SND1: variants seen among roughly 807,000 people sequenced by gnomAD.
The protein encoded by SND1 is staphylococcal nuclease domain-containing protein 1.
A neutral mutation model predicts 121.7 loss-of-function variants in SND1; 38 were observed. The ratio of observed to expected loss-of-function variants is 0.31; its 90% CI spans 0.24 to 0.41. The LOEUF is 0.41. Among genes scored for constraint, SND1 ranks in the 10% least tolerant of loss-of-function variants. The pLI is 1.00. For synonymous variants in SND1, 401 were observed against 447.4 expected (o/e 0.90, Z 1.31); for missense variants, 868 against 1,184.6 (o/e 0.73, Z 3.92).
chr7:127,659,360 A>T (rs1237858573), intron 1 of SND1, among the ~76,000 whole-genome samples: 1 of 152,224 alleles, frequency 6.6e-6, no homozygotes, highest in Non-Finnish European at 1.5e-5. Flanking sequence ...TTCAGTTGGC[A>T]TTTTTTAAAA....
chr7:128,081,889 G>T (rs1376890436), intron 18 of SND1: 1 of 538,392 alleles, frequency 1.9e-6, no homozygotes, highest in East Asian at 5.4e-5. Flanking sequence ...CACCAGCCAG[G>T]CATTGCTCAG....
intron 16 of SND1, among the ~76,000 whole-genome samples, chr7:128,073,459 C>T (rs1280629665): frequency 6.6e-6 from 1 of 152,154 alleles, no homozygotes; most frequent in Admixed American, 6.5e-5. Context: ...CTCCCCGCTA[C>T]CTTCTCTCTG....
intron 13 of SND1, among the ~76,000 whole-genome samples, chr7:127,895,607 G>T (rs997038180): frequency 1.7e-4 from 26 of 152,218 alleles, no homozygotes; most frequent in African/African-American, 6.3e-4. Context: ...GAGTAGGGAA[G>T]ATAAGTTTTT....
At chr7:127,675,217 C>T (rs1234766538) in intron 1 of SND1, among the ~76,000 whole-genome samples, 1 of 151,954 alleles carries the variant, frequency 6.6e-6, no homozygotes. Context: ...ACAAAAAAAC[C>T]CTTCATTTTT....
chr7:127,762,368 T>C (rs1009753833), intron 10 of SND1, among the ~76,000 whole-genome samples: 3 of 152,308 alleles, frequency 2.0e-5, no homozygotes, highest in Non-Finnish European at 2.9e-5. Context: ...ACCTCTCTTA[T>C]TGGTTTGCAG....
intron 12 of SND1, among the ~76,000 whole-genome samples, chr7:127,871,022 G>GTC (rs1799575320): frequency 6.6e-6 from 1 of 151,824 alleles, no homozygotes; most frequent in African/African-American, 2.4e-5. Flanking sequence ...AAACTCGTTT[G>GTC]TTGAAAAGTA....
rs558513247 is a variant in SND1 at position 127,978,486 on chromosome 7, T to C, written c.1670-12461T>C. On this transcript the variant is annotated intron_variant, in intron 15 of 23. Transcript: ENST00000354725. The stretch of plus-strand genomic sequence containing the variant: ...GAGCTTATGGAAAGTATGCTTTGAA[T>C]GGGGAAATATGCATCTGTGGGAGGA... Among the ~76,000 whole-genome samples the C allele has an allele frequency of 1.2e-3, 190 of 152,132 alleles. 5 individuals carry two copies. The South Asian group carries it at 0.038, about 30-fold the overall frequency.
chr7:127,858,290 G>A, intron 12 of SND1: 2 of 897,324 alleles, frequency 2.2e-6, no homozygotes, highest in African/African-American at 1.6e-5. Flanking sequence ...GCACTGCGGG[G>A]AACTGGGTCA....
Position 127,887,910 on chromosome 7 carries a change from C to T in SND1, c.1352C>T (p.Ala451Val). The T allele has an allele frequency of 6.2e-7, 1 of 1,610,988 alleles. No individual in the cohort carries two copies. Among genetic ancestry groups the T allele is most frequent in the Non-Finnish European group, 8.5e-7 (1 of 1,177,970 alleles). Residue 451 changes from alanine to valine, a missense_variant, in exon 13 of 24, where the codon GCT becomes GTT. Ala to Val is a moderately conservative substitution (Grantham distance 64, BLOSUM62 0). This residue lies in a region of SND1 where 743 missense variants were observed against 1,071.3 expected (regional missense o/e 0.69). Transcript: ENST00000354725. Reference sequence around the variant, plus strand: ...TATCTTTTCTGTTGCAGAAACATTGCTGAGGCTCTTGTCAGCAAAGGTCTA... The same window carrying T: ...TATCTTTTCTGTTGCAGAAACATTGTTGAGGCTCTTGTCAGCAAAGGTCTA... ...ATVTIGGINI[A>V]EALVSKGLAT...
rs557457674 is a variant in SND1, at chr7:128,012,997, A to G, written c.1779+21941A>G. Among the ~76,000 whole-genome samples the G allele has an allele frequency of 2.4e-4, 37 of 152,102 alleles. No homozygotes were observed. In the South Asian group the frequency reaches 7.5e-3, roughly 31 times the overall value. On this transcript the variant is annotated intron_variant, in intron 16 of 23. Transcript: ENST00000354725. The stretch of plus-strand genomic sequence containing the variant: ...ACAGCCCTTTCCGCCAGTGCCTGCC[A>G]GTGCACAAGTCACCCCCTGCACCTC...
At chr7:127,904,703 T>C (rs1485486999) in intron 13 of SND1, 44 bp from the exon 14 acceptor site, 2 of 1,338,132 alleles carry the variant, frequency 1.5e-6, no homozygotes, top group South Asian at 2.3e-5. Flanking sequence ...CCCCTTCCCA[T>C]TGTGATTCTT....
At chr7:128,030,581 C>A (rs1452081956) in intron 16 of SND1, 2 of 1,604,954 alleles carry the variant, frequency 1.2e-6, no homozygotes. Context: ...GGTAGACGAA[C>A]GGGAGCAGGA....
chr7:128,053,095 T>C (rs982830382), intron 16 of SND1, among the ~76,000 whole-genome samples: 1 of 152,228 alleles, frequency 6.6e-6, no homozygotes, highest in African/African-American at 2.4e-5. Context: ...AGGGTCTCTT[T>C]AGAGAGTCTC....
chr7:127,898,568 A>G (rs1800164135), intron 13 of SND1, among the ~76,000 whole-genome samples: 1 of 152,036 alleles, frequency 6.6e-6, no homozygotes, highest in Admixed American at 6.6e-5. Flanking sequence ...ATGCTGAAAA[A>G]CCATATTCCT....
intron 16 of SND1, among the ~76,000 whole-genome samples, chr7:128,026,874 C>T (rs1227865489): frequency 2.0e-5 from 3 of 152,170 alleles, no homozygotes; most frequent in East Asian, 1.9e-4. Flanking sequence ...GCACTAGAAT[C>T]GGGGTGCTTT....
chr7:127,728,361 T>G (rs1201995347), intron 10 of SND1, among the ~76,000 whole-genome samples: 1 of 152,212 alleles, frequency 6.6e-6, no homozygotes, highest in African/African-American at 2.4e-5. Context: ...TTTCAATTTA[T>G]CTAAATCTTT....
chr7:127,835,377 C>T (rs1275821894), intron 11 of SND1, among the ~76,000 whole-genome samples: 1 of 152,126 alleles, frequency 6.6e-6, no homozygotes, highest in East Asian at 1.9e-4. Context: ...TTAATTTCTC[C>T]TGACTGCTGG....
At chr7:127,714,719 G>A (rs1796356933) in intron 9 of SND1, among the ~76,000 whole-genome samples, 2 of 152,164 alleles carry the variant, frequency 1.3e-5, no homozygotes, top group Non-Finnish European at 2.9e-5. Flanking sequence ...ACTACTCTAA[G>A]TAATTCATAT....
chr7:127,886,283 C>A (rs543796156), intron 12 of SND1, among the ~76,000 whole-genome samples: 1 of 151,876 alleles, frequency 6.6e-6, no homozygotes, highest in African/African-American at 2.4e-5. Context: ...CCTTGCTCTA[C>A]CAACACATTT....
Sources: allele counts gnomAD v4.1 joint callset (sites outside exome capture counted in the v4.1 genomes callset), GRCh38; gene constraint gnomAD v4.1.1; regional missense constraint gnomAD v4.1.1; transcripts MANE v1.5; gene names NCBI Gene and HGNC (gene_info 2026-07-23, HGNC 2026-07-21).